Variants in ASB4 observed in about 807,000 individuals in gnomAD.
ASB4 encodes ankyrin repeat and SOCS box protein 4.
In ASB4, 35 loss-of-function variants were observed where a neutral mutation model predicts 38.6. The observed-to-expected ratio is 0.91, with a 90% CI of 0.69 to 1.20. ASB4 has a LOEUF of 1.20. Ranked by LOEUF, ASB4 falls within the 50% of genes most tolerant of loss-of-function variation. The pLI, the probability that ASB4 is intolerant of heterozygous loss-of-function variation, is 0.00. For synonymous variants in ASB4, 195 were observed against 201.3 expected (o/e 0.97, Z 0.26); for missense variants, 557 against 527.2 (o/e 1.06, Z -0.55).
chr7:95,503,580 G>A (rs1790369108), intron 2 of ASB4, among the ~76,000 whole-genome samples: 1 of 152,174 alleles, frequency 6.6e-6, no homozygotes, highest in South Asian at 2.1e-4. Flanking sequence ...AGTCTCTAGA[G>A]GTATAGCCAA....
intron 1 of ASB4, among the ~76,000 whole-genome samples, chr7:95,487,463 G>T (rs983837157): frequency 4.6e-5 from 7 of 152,124 alleles, no homozygotes; most frequent in African/African-American, 1.7e-4. Flanking sequence ...AAATAACTCA[G>T]GTTCAAGTCA....
intron 2 of ASB4, among the ~76,000 whole-genome samples, chr7:95,508,278 G>A (rs932641097): frequency 9.2e-5 from 14 of 152,122 alleles, no homozygotes; most frequent in African/African-American, 3.4e-4. Context: ...CAGAGAAGGA[G>A]AGAATGAGAG....
At chr7:95,550,006 AG>A in the ASB4 span, among the ~76,000 whole-genome samples, 1 of 152,218 alleles carries the variant, frequency 6.6e-6, no homozygotes, top group African/African-American at 2.4e-5. Flanking sequence ...TGGGCAAAAC[AG>A]GTGCAAGTTT....
the ASB4 span, among the ~76,000 whole-genome samples, chr7:95,547,075 C>T: frequency 2.0e-5 from 3 of 152,196 alleles, no homozygotes; most frequent in Non-Finnish European, 4.4e-5. Context: ...CTGCCAGTCT[C>T]TACCACCAGG....
At chr7:95,517,259 C>T (rs1790596307) in intron 2 of ASB4, among the ~76,000 whole-genome samples, 1 of 152,072 alleles carries the variant, frequency 6.6e-6, no homozygotes, top group African/African-American at 2.4e-5. Flanking sequence ...ACCTCAAATT[C>T]CTGGGCTCAG....
At chr7:95,480,973 C>A (rs994991806), upstream of ASB4, among the ~76,000 whole-genome samples, 1 of 151,986 alleles carries the variant, frequency 6.6e-6, no homozygotes, top group Non-Finnish European at 1.5e-5. Flanking sequence ...TGAAAAAAAC[C>A]ATATAAAAAT....
At chr7:95,470,726 A>G in the ASB4 span, among the ~76,000 whole-genome samples, 1 of 152,164 alleles carries the variant, frequency 6.6e-6, no homozygotes, top group East Asian at 1.9e-4. Context: ...CTAAGAAGAA[A>G]GGCTGATAAT....
chr7:95,537,531 G>C lies in ASB4; in HGVS notation c.1093-40G>C, dbSNP rs756033810. On this transcript the variant is annotated intron_variant, in intron 4 of 4. Coordinates refer to ENST00000325885, the MANE Select transcript of ASB4 (RefSeq NM_016116.3). The stretch of plus-strand genomic sequence containing the variant: ...CTGATTTTTATTGATGTAAACTGTG[G>C]GGCCTTGCTAACTTTAATTTGTCTT... The C allele has an allele frequency of 3.9e-6, 6 of 1,520,904 alleles. No individual in the cohort carries two copies. The South Asian group carries it at 7.5e-5, about 19-fold the overall frequency. The allele number at this position is 1,520,904 out of a possible 1,614,324, so 94.2% of individuals were successfully genotyped here.
chr7:95,528,250 C>A lies in ASB4; in HGVS notation c.925C>A (p.Gln309Lys), dbSNP rs765276802. ...TGCTGCCCAGCCTGAGATCTGCTAC[C>A]AGCTCCTGTTGAACCATGGGGCTGC... is the stretch of plus-strand genomic sequence containing the variant. ...RPAAQPEICYQLLLNHGAARI... is the reference protein window; with the variant it reads ...RPAAQPEICYKLLLNHGAARI... The change falls in exon 3 of 5, where the codon CAG becomes AAG. Residue 309 changes from glutamine (Q) to lysine (K), a missense_variant. Coordinates refer to ENST00000325885, the MANE Select transcript of ASB4 (RefSeq NM_016116.3). The A allele has an allele frequency of 1.9e-6, 3 of 1,614,182 alleles. No homozygotes were observed. The highest frequency in any genetic ancestry group is 3.3e-5 in the Admixed American group (2 of 60,028).
chr7:95,499,809 G>A (rs1002064926), intron 2 of ASB4, among the ~76,000 whole-genome samples: 1 of 150,230 alleles, frequency 6.7e-6, no homozygotes. Flanking sequence ...CAGGATAACT[G>A]AAAGTCCTTC....
chr7:95,504,865 G>T (rs1167689977), intron 2 of ASB4, among the ~76,000 whole-genome samples: 3 of 152,140 alleles, frequency 2.0e-5, no homozygotes, highest in Non-Finnish European at 4.4e-5. Context: ...TGCTCTGAGT[G>T]AGTGAACTTG....
chr7:95,498,301 A>G (rs913968515), intron 2 of ASB4, among the ~76,000 whole-genome samples: 3 of 152,198 alleles, frequency 2.0e-5, no homozygotes, highest in African/African-American at 7.2e-5. Context: ...GTTTGCAATC[A>G]TTACAAACAT....
chr7:95,542,062 G>A (rs1317202185), downstream of ASB4: 1 of 149,526 alleles, frequency 6.7e-6, no homozygotes, highest in Non-Finnish European at 1.5e-5. Flanking sequence ...GTGAGACCTT[G>A]ACTGTAAAAA....
In ASB4 at chr7:95,539,519, G is replaced by A. The variant is rs1790941481; in HGVS notation, c.*1760G>A. 1 of 152,238 alleles carries A rather than the reference G, an allele frequency of 6.6e-6. No individual in the cohort carries two copies. Among genetic ancestry groups the A allele is most frequent in the Admixed American group, 6.5e-5 (1 of 15,270 alleles). 9.4% of individuals were successfully genotyped at this position (152,238 alleles called of 1,614,324 possible). On this transcript the variant is annotated 3_prime_UTR_variant, in exon 5 of 5. Coordinates refer to ENST00000325885, the MANE Select transcript of ASB4 (RefSeq NM_016116.3). ...ATAAAGCTTGATCTTTCAAAAAATA[G>A]TTTGCTTGCAGCAAGTGGTATTAGA...
chr7:95,548,099 T>C, the ASB4 span, among the ~76,000 whole-genome samples: 1 of 152,218 alleles, frequency 6.6e-6, no homozygotes, highest in Non-Finnish European at 1.5e-5. Flanking sequence ...TATCTAGAAG[T>C]GAAATTCAAG....
upstream of ASB4, among the ~76,000 whole-genome samples, chr7:95,476,769 A>T (rs1789981579): frequency 6.6e-6 from 1 of 152,174 alleles, no homozygotes; most frequent in African/African-American, 2.4e-5. Flanking sequence ...AAAGACAGAG[A>T]CTCATAAGAC....
At chr7:95,526,454 TCATA>T (rs75149250) in intron 2 of ASB4, among the ~76,000 whole-genome samples, 25,434 of 152,104 alleles carry the variant, frequency 0.17, 2,272 homozygotes, top group African/African-American at 0.21. Context: ...CAACGCATTT[TCATA>T]CATACTTTCT....
chr7:95,523,184 A>G (rs1465315260), intron 2 of ASB4, among the ~76,000 whole-genome samples: 1 of 152,210 alleles, frequency 6.6e-6, no homozygotes, highest in Non-Finnish European at 1.5e-5. Flanking sequence ...CTAGATTATA[A>G]TTAATCAAGA....
At chr7:95,529,227 T>C (rs543826717) in intron 3 of ASB4, among the ~76,000 whole-genome samples, 1 of 152,326 alleles carries the variant, frequency 6.6e-6, no homozygotes, top group South Asian at 2.1e-4. Flanking sequence ...GTAATTAATT[T>C]GGAGGCCAAA....
Sources: allele counts gnomAD v4.1 joint callset (sites outside exome capture counted in the v4.1 genomes callset), GRCh38; gene constraint gnomAD v4.1.1; transcripts MANE v1.5; gene names NCBI Gene and HGNC (gene_info 2026-07-23, HGNC 2026-07-21).